The following PITPNC1 variants were observed in gnomAD, a reference collection of about 807,000 sequenced individuals.
PITPNC1 encodes the protein cytoplasmic phosphatidylinositol transfer protein 1.
In PITPNC1, 18 loss-of-function variants were observed where a neutral mutation model predicts 44.7. That is an observed-to-expected ratio of 0.40 (90% CI 0.28 to 0.60). PITPNC1 has a LOEUF of 0.60. Ranked by LOEUF, PITPNC1 falls within the 20% of genes least tolerant of loss-of-function variation. The probability of loss-of-function intolerance (pLI) is 0.39; values close to 1 mark genes in which losing one functional copy is unlikely to be tolerated. For synonymous variants in PITPNC1, 141 were observed against 149.6 expected (o/e 0.94, Z 0.42); for missense variants, 290 against 418.4 (o/e 0.69, Z 2.68).
At chr17:67,596,097 T>A (rs1306224437) in intron 5 of PITPNC1, among the ~76,000 whole-genome samples, 2 of 152,216 alleles carry the variant, frequency 1.3e-5, no homozygotes, top group African/African-American at 4.8e-5. Context: ...GGGTTTGTTA[T>A]GAACTCAACA....
intron 1 of PITPNC1, among the ~76,000 whole-genome samples, chr17:67,400,119 C>G (rs1489856250): frequency 1.3e-5 from 2 of 152,108 alleles, no homozygotes; most frequent in Admixed American, 1.3e-4. Flanking sequence ...CTTTAAAATG[C>G]CTTTATTTTA....
intron 2 of PITPNC1, among the ~76,000 whole-genome samples, chr17:67,540,105 AT>A (rs368641923): frequency 9.1e-6 from 1 of 110,440 alleles, no homozygotes; most frequent in Non-Finnish European, 1.9e-5. Flanking sequence ...ATTTTATTTT[AT>A]TTTATTTATT....
At chr17:67,403,353 G>A (rs966290716) in intron 1 of PITPNC1, among the ~76,000 whole-genome samples, 4 of 151,136 alleles carry the variant, frequency 2.6e-5, no homozygotes, top group African/African-American at 7.3e-5. Context: ...TTCCTCATTT[G>A]TTTTGATTTT....
intron 6 of PITPNC1, among the ~76,000 whole-genome samples, chr17:67,637,374 A>G (rs2144343570): frequency 1.3e-5 from 2 of 152,134 alleles, no homozygotes; most frequent in African/African-American, 4.8e-5. Context: ...CGTCCTAAAT[A>G]GAAACGCTCT....
intron 1 of PITPNC1, among the ~76,000 whole-genome samples, chr17:67,513,365 A>G (rs1182916936): frequency 2.4e-5 from 1 of 41,504 alleles, no homozygotes; most frequent in Admixed American, 3.7e-4. Flanking sequence ...ATCTATATCT[A>G]TATCTATATC....
chr17:67,612,493 G>A (rs1379153008), intron 5 of PITPNC1: 6 of 152,268 alleles, frequency 3.9e-5, no homozygotes, highest in Non-Finnish European at 7.3e-5. Flanking sequence ...GAGGCCTGGA[G>A]GAGTTTCTAA....
chr17:67,391,181 G>T (rs1039165932), intron 1 of PITPNC1, among the ~76,000 whole-genome samples: 2 of 151,524 alleles, frequency 1.3e-5, no homozygotes, highest in African/African-American at 2.4e-5. Flanking sequence ...AATTCCTTTA[G>T]CATCATATCT....
intron 6 of PITPNC1, among the ~76,000 whole-genome samples, chr17:67,663,577 G>A (rs1306385271): frequency 6.7e-6 from 1 of 149,392 alleles, no homozygotes; most frequent in Admixed American, 6.7e-5. Context: ...CAAAAAAAAA[G>A]GACAAAAAAA....
At chr17:67,407,902 T>C (rs1232903101) in intron 1 of PITPNC1, among the ~76,000 whole-genome samples, 1 of 152,258 alleles carries the variant, frequency 6.6e-6, no homozygotes, top group South Asian at 2.1e-4. Flanking sequence ...ATCTCAGACA[T>C]GAGTGTGAAA....
chr17:67,470,582 G>GC lies in PITPNC1; in HGVS notation c.49-62220_49-62219insC, dbSNP rs1039111135. Among the ~76,000 whole-genome samples the GC allele has an allele frequency of 3.3e-5, 5 of 151,962 alleles. No individual in the cohort carries two copies. In the South Asian group the frequency reaches 6.2e-4, roughly 19 times the overall value. ...TCCCCGTCCGGGAGGGAGGTGGGGG[G>GC]GGTCAGCCCCCCTGCCCGGCCAGCC... On this transcript the variant is annotated intron_variant, in intron 1 of 8. Transcript: ENST00000581322.
At chr17:67,538,411 G>C (rs187966868) in intron 2 of PITPNC1, among the ~76,000 whole-genome samples, 14 of 152,174 alleles carry the variant, frequency 9.2e-5, no homozygotes, top group Admixed American at 3.3e-4. Context: ...ACCAGACTGG[G>C]CAACCTGACG....
chr17:67,516,374 G>T (rs1007880033), intron 1 of PITPNC1, among the ~76,000 whole-genome samples: 1 of 152,158 alleles, frequency 6.6e-6, no homozygotes, highest in Non-Finnish European at 1.5e-5. Context: ...CTTAACCTCT[G>T]TGTATCAGTT....
intron 6 of PITPNC1, among the ~76,000 whole-genome samples, chr17:67,636,825 A>G (rs1041852801): frequency 3.9e-5 from 6 of 152,120 alleles, no homozygotes; most frequent in African/African-American, 1.4e-4. Context: ...ACCATTTCCA[A>G]ACAAATGTCT....
chr17:67,646,241 A>G (rs2042148071), intron 6 of PITPNC1, among the ~76,000 whole-genome samples: 1 of 152,214 alleles, frequency 6.6e-6, no homozygotes, highest in East Asian at 1.9e-4. Context: ...AATGACTATG[A>G]TGTTTGAGGT....
intron 6 of PITPNC1, among the ~76,000 whole-genome samples, chr17:67,668,964 C>T (rs1190700446): frequency 6.6e-6 from 1 of 152,216 alleles, no homozygotes; most frequent in African/African-American, 2.4e-5. Context: ...CGCATATGCA[C>T]AAGGTTGTGC....
chr17:67,667,321 G>GA (rs2042437679), intron 6 of PITPNC1, among the ~76,000 whole-genome samples: 1 of 151,870 alleles, frequency 6.6e-6, no homozygotes, highest in African/African-American at 2.4e-5. Context: ...TTAAGCCTAG[G>GA]AGCTTGAGAC....
chr17:67,379,316 A>T lies in PITPNC1; in HGVS notation c.48+1114A>T, dbSNP rs570066981. 2.4e-5 allele frequency: 24 copies of T among 985,446 alleles called. No individual in the cohort carries two copies. In the African/African-American group the frequency reaches 3.7e-4, roughly 15 times the overall value. The allele number at this position is 985,446 out of a possible 1,614,324, so 61.0% of individuals were successfully genotyped here. ...TGAGAGGGGCGATGTGCTTTGGGAG[A>T]GAAAAAGATGCATAACTGAGAACAT... On this transcript the variant is annotated intron_variant, in intron 1 of 8. Transcript: ENST00000581322.
rs944243312 is a variant in PITPNC1 at position 67,676,745 on chromosome 17, A to C, written c.682+1203A>C. Among the ~76,000 whole-genome samples, 1 of 152,158 alleles carries C rather than the reference A, an allele frequency of 6.6e-6. No individual in the cohort carries two copies. Among genetic ancestry groups the C allele is most frequent in the Admixed American group, 6.5e-5 (1 of 15,268 alleles). ...CACGTTAGACGGAAGGGGCAAAGAC[A>C]GTCATTATTATTAATATTGTTAGCT... On this transcript the variant is annotated intron_variant, in intron 8 of 8. Coordinates refer to ENST00000581322, the MANE Select transcript of PITPNC1 (RefSeq NM_012417.4). The surrounding 1 kb of genome is among the most constrained non-coding windows in gnomAD (Gnocchi z 4.0).
chr17:67,403,478 A>G (rs1249063375), intron 1 of PITPNC1, among the ~76,000 whole-genome samples: 1 of 152,238 alleles, frequency 6.6e-6, no homozygotes, highest in African/African-American at 2.4e-5. Context: ...TAAACATTTA[A>G]TCATAATTAT....
Sources: allele counts gnomAD v4.1 joint callset (sites outside exome capture counted in the v4.1 genomes callset), GRCh38; gene constraint gnomAD v4.1.1; non-coding constraint Gnocchi (gnomAD v3.1); transcripts MANE v1.5; gene names NCBI Gene and HGNC (gene_info 2026-07-23, HGNC 2026-07-21).